Variants in DDX10 observed in about 807,000 individuals in gnomAD.
DDX10 encodes the protein probable ATP-dependent RNA helicase DDX10.
DDX10 carries 74 observed loss-of-function variants against 104.3 expected under a neutral mutation model. The observed-to-expected ratio is 0.71, with a 90% confidence interval of 0.59 to 0.86. DDX10 has a LOEUF of 0.86. Among genes scored for constraint, DDX10 ranks in the 40% least tolerant of loss-of-function variants. The pLI, the probability that DDX10 is intolerant of heterozygous loss-of-function variation, is 0.00. For missense variants in DDX10, 952 were observed against 1,040.0 expected (o/e 0.92, Z 1.16); for synonymous variants, 351 against 353.4 (o/e 0.99, Z 0.08).
chr11:108,727,775 G>A lies in DDX10; in HGVS notation c.1965+4313G>A, dbSNP rs147129207. On this transcript the variant is annotated intron_variant, in intron 13 of 17. Coordinates refer to ENST00000322536, the MANE Select transcript of DDX10 (RefSeq NM_004398.4). The stretch of plus-strand genomic sequence containing the variant: ...GTGTCTAAGTTTTCTTGTTTGGACC[G>A]TTTTATACTTTCAAGTATAGATTCA... The A allele has an allele frequency of 1.4e-3, 237 of 171,124 alleles. 1 individual carries two copies. Among genetic ancestry groups the A allele is most frequent in the African/African-American group, 5.4e-3 (227 of 42,428 alleles). The allele number at this position is 171,124 out of a possible 1,614,324, so 10.6% of individuals were successfully genotyped here.
intron 16 of DDX10, among the ~76,000 whole-genome samples, chr11:108,875,952 T>C (rs114068251): frequency 0.01 from 1,528 of 152,272 alleles, 24 homozygotes; most frequent in African/African-American, 0.035. Context: ...ACTAAGGTCG[T>C]TATGTACACT....
At chr11:108,744,501 T>C (rs1430452953) in intron 13 of DDX10, among the ~76,000 whole-genome samples, 1 of 152,198 alleles carries the variant, frequency 6.6e-6, no homozygotes, top group African/African-American at 2.4e-5. Context: ...AGTCTACTGA[T>C]GAAATAATTA....
intron 13 of DDX10, among the ~76,000 whole-genome samples, chr11:108,766,504 A>G (rs2094356527): frequency 6.6e-6 from 1 of 152,224 alleles, no homozygotes; most frequent in South Asian, 2.1e-4. Flanking sequence ...CATAATGACT[A>G]TTAAACATAT....
chr11:108,689,075 T>G lies in DDX10; in HGVS notation c.975+13T>G. 1 of 1,612,790 alleles carries G rather than the reference T, an allele frequency of 6.2e-7. No homozygotes were observed. The highest frequency in any genetic ancestry group is 8.5e-7 in the Non-Finnish European group (1 of 1,179,434). On this transcript the variant is annotated intron_variant, in intron 7 of 17. Transcript: ENST00000322536. ...CAGTTGCAAAGAGGTATTGGCTGTTTATTTTGCTTTCTGAACGTATGTTGA... is the reference window on the plus strand; with the variant it reads ...CAGTTGCAAAGAGGTATTGGCTGTTGATTTTGCTTTCTGAACGTATGTTGA...
chr11:108,899,596 C>T (rs1373428947), intron 16 of DDX10, among the ~76,000 whole-genome samples: 3 of 151,772 alleles, frequency 2.0e-5, no homozygotes, highest in Non-Finnish European at 4.4e-5. Flanking sequence ...ACCATAAAGA[C>T]ATGCACAGCA....
intron 13 of DDX10, among the ~76,000 whole-genome samples, chr11:108,757,758 T>G (rs1235537686): frequency 6.6e-6 from 1 of 152,060 alleles, no homozygotes; most frequent in Non-Finnish European, 1.5e-5. Context: ...CTCCCAGTAC[T>G]TGTTTTCTGG....
chr11:108,935,762 C>T (rs537518724), intron 17 of DDX10, among the ~76,000 whole-genome samples: 5 of 152,244 alleles, frequency 3.3e-5, no homozygotes, highest in African/African-American at 9.6e-5. Context: ...TTCATCATCA[C>T]AAGACAAGCT....
intron 12 of DDX10, among the ~76,000 whole-genome samples, chr11:108,721,749 A>C (rs1289345581): frequency 6.6e-6 from 1 of 152,212 alleles, no homozygotes; most frequent in Non-Finnish European, 1.5e-5. Context: ...AAAGGTTTTA[A>C]AATTTTACTA....
At chr11:108,732,817 A>AT (rs1207732708) in intron 13 of DDX10, among the ~76,000 whole-genome samples, 1 of 152,254 alleles carries the variant, frequency 6.6e-6, no homozygotes, top group Admixed American at 6.5e-5. Flanking sequence ...ACAGTGTTAG[A>AT]TAAGAGCATG....
chr11:108,795,360 CATATGTATA>C (rs1861927154), intron 13 of DDX10, among the ~76,000 whole-genome samples: 1 of 149,680 alleles, frequency 6.7e-6, no homozygotes, highest in South Asian at 2.1e-4. Flanking sequence ...ACAACATGCA[CATATGTATA>C]CATGTGCCAT....
intron 16 of DDX10, among the ~76,000 whole-genome samples, chr11:108,914,493 T>C (rs893194551): frequency 6.6e-6 from 1 of 152,142 alleles, no homozygotes; most frequent in Non-Finnish European, 1.5e-5. Flanking sequence ...AAAACAGATA[T>C]AAGCAGCTCC....
Position 108,856,502 on chromosome 11 carries a change from T to TA in DDX10, c.2304+4299dup, listed in dbSNP as rs1284537087. Among the ~76,000 whole-genome samples, 178 of 151,880 alleles carry TA rather than the reference T, an allele frequency of 1.2e-3. 2 individuals carry two copies. Among genetic ancestry groups the TA allele is most frequent in the African/African-American group, 4.2e-3 (172 of 41,428 alleles). The stretch of plus-strand genomic sequence containing the variant: ...AAAAAACAAAACAAAAAAAAAACCT[T>TA]AAAAAACTAATGGACTTGAGAGATG... On this transcript the variant is annotated intron_variant, in intron 16 of 17. Coordinates refer to ENST00000322536, the MANE Select transcript of DDX10 (RefSeq NM_004398.4).
intron 17 of DDX10, among the ~76,000 whole-genome samples, chr11:108,924,783 A>C (rs545984359): frequency 2.0e-3 from 298 of 152,320 alleles, no homozygotes; most frequent in Non-Finnish European, 3.2e-3. Flanking sequence ...CTTGGAAAAC[A>C]ATGTTCTCAG....
chr11:108,793,284 C>T (rs2134549976), intron 13 of DDX10, among the ~76,000 whole-genome samples: 1 of 152,260 alleles, frequency 6.6e-6, no homozygotes, highest in South Asian at 2.1e-4. Flanking sequence ...CTTATTCTTT[C>T]ACATAATGAG....
chr11:108,777,428 C>T (rs2094371430), intron 13 of DDX10, among the ~76,000 whole-genome samples: 1 of 152,044 alleles, frequency 6.6e-6, no homozygotes, highest in South Asian at 2.1e-4. Context: ...CTCCTGGATT[C>T]AAGCGAATCC....
intron 16 of DDX10, among the ~76,000 whole-genome samples, chr11:108,896,722 T>C (rs1863446145): frequency 6.6e-6 from 1 of 152,180 alleles, no homozygotes; most frequent in Admixed American, 6.6e-5. Context: ...ATATCTTAGT[T>C]GCTTCTCTGA....
intron 13 of DDX10, among the ~76,000 whole-genome samples, chr11:108,778,499 A>G (rs1178372910): frequency 1.3e-5 from 2 of 152,250 alleles, no homozygotes; most frequent in South Asian, 4.1e-4. Context: ...ATATGTAGAA[A>G]GCTGAAACTG....
rs1024411837 is a variant in DDX10, at chr11:108,712,445, GT to G, written c.1323-3424del. Among the ~76,000 whole-genome samples the G allele has an allele frequency of 3.6e-4, 54 of 148,402 alleles. No homozygotes were observed. The Middle Eastern group carries it at 0.017, about 48-fold the overall frequency. On this transcript the variant is annotated intron_variant, in intron 10 of 17. Transcript: ENST00000322536. ...ACTGTTTTCTCTCCTTAGCATACCA[GT>G]TTTTTTTTTCTTTTTCACTTTTTTT...
chr11:108,875,637 C>T (rs1863143410), intron 16 of DDX10, among the ~76,000 whole-genome samples: 1 of 152,146 alleles, frequency 6.6e-6, no homozygotes, highest in East Asian at 1.9e-4. Flanking sequence ...TCCAGGAGAG[C>T]AGTTAGAAAA....
Sources: gnomAD v4.1 joint callset for allele counts (sites outside exome capture counted in the v4.1 genomes callset) on GRCh38, gnomAD v4.1.1 for gene constraint, MANE v1.5 for transcripts, NCBI Gene and HGNC (gene_info 2026-07-23, HGNC 2026-07-21) for gene names.